The following BRD1 variants were observed in gnomAD, a reference collection of about 807,000 sequenced individuals.
The protein encoded by BRD1 is bromodomain-containing protein 1.
In BRD1, 24 loss-of-function variants were observed where a neutral mutation model predicts 107.7. The ratio of observed to expected loss-of-function variants is 0.22; its 90% CI spans 0.16 to 0.31. The LOEUF is 0.31. Among genes scored for constraint, BRD1 ranks in the 10% least tolerant of loss-of-function variants. The pLI, the probability that BRD1 is intolerant of heterozygous loss-of-function variation, is 1.00. For synonymous variants in BRD1, 744 were observed against 686.1 expected (o/e 1.08, Z -1.32); for missense variants, 1,279 against 1,638.6 (o/e 0.78, Z 3.79).
intron 7 of BRD1, among the ~76,000 whole-genome samples, chr22:49,789,412 G>A (rs570373514): frequency 2.0e-5 from 3 of 152,258 alleles, no homozygotes; most frequent in African/African-American, 4.8e-5. Context: ...AGCCTGCAGC[G>A]TCCTGACGCA....
Position 49,794,224 on chromosome 22 carries a change from G to A in BRD1, c.2169C>T (p.Asp723=), listed in dbSNP as rs1204733656. ...TCATAGCGCAGGTGAGGTCGAGCAT[G>A]TCCAGCAGCTCTCTCAGCTGCTCCT... is the stretch of plus-strand genomic sequence containing the variant. ...GLEEQLRELL[D]MLDLTCAMKS... The change falls in exon 7 of 13, where the codon GAC becomes GAT. Residue 723 remains aspartate, a synonymous_variant. Transcript: ENST00000404760. The A allele has an allele frequency of 2.5e-6, 4 of 1,614,012 alleles. No homozygotes were observed. Among genetic ancestry groups the A allele is most frequent in the Admixed American group, 3.3e-5 (2 of 60,012 alleles).
intron 7 of BRD1, among the ~76,000 whole-genome samples, chr22:49,788,731 A>G (rs1208115424): frequency 6.6e-6 from 1 of 152,258 alleles, no homozygotes; most frequent in Non-Finnish European, 1.5e-5. Context: ...CAACAAGCCA[A>G]GCCCAGCCAC....
At chr22:49,798,934 C>G in intron 4 of BRD1, 54 bp downstream of exon 4, 2 of 1,543,696 alleles carry the variant, frequency 1.3e-6, no homozygotes, top group South Asian at 1.2e-5. Flanking sequence ...GCCAGCGTCC[C>G]ACCCACGCCC....
In BRD1 at chr22:49,776,157, C is replaced by A; in HGVS notation, c.3124G>T (p.Val1042Phe). 1 of 1,604,094 alleles carries A rather than the reference C, an allele frequency of 6.2e-7. No homozygotes were observed. Among genetic ancestry groups the A allele is most frequent in the South Asian group, 1.1e-5 (1 of 91,012 alleles). ...GAGATCCACATGCTGCTCTGGCCGACTTCTGCGGAGAGGGGCGTCAGCAGG... is the reference window on the plus strand; with the variant it reads ...GAGATCCACATGCTGCTCTGGCCGAATTCTGCGGAGAGGGGCGTCAGCAGG... ...YAKAARIAAEVGQSSMWISTD... is the reference protein window; with the variant it reads ...YAKAARIAAEFGQSSMWISTD... Residue 1042 changes from valine to phenylalanine, a missense_variant and splice_region_variant, in exon 11 of 13, where the codon GTC becomes TTC. Physicochemically the swap from Val to Phe is conservative, Grantham distance 50. Transcript: ENST00000404760.
intron 3 of BRD1, among the ~76,000 whole-genome samples, chr22:49,799,769 A>G (rs2059608195): frequency 6.6e-6 from 1 of 152,190 alleles, no homozygotes; most frequent in Non-Finnish European, 1.5e-5. Context: ...CAACATCCAC[A>G]CCAGGGTGAT....
At position 49,797,826 on chromosome 22, in the gene BRD1, G is replaced by A. The variant is rs138102264; in HGVS notation, c.2077C>T (p.Arg693Trp). The change falls in exon 6 of 13, where the codon CGG (arginine) becomes TGG (tryptophan). Residue 693 changes from arginine to tryptophan, a missense_variant. Arg to Trp is a moderately radical substitution (Grantham distance 101). Transcript: ENST00000404760. ...TTACCGTCTTCCCAGGAGAAAGGCC[G>A]CCGCGGTGCCGCAGCAGGCCGCTCA... ...LPERPAAAPR[R>W]PFSWEDVDRL... 3.9e-5 allele frequency: 62 copies of A among 1,602,714 alleles called. 1 individual carries two copies. The highest frequency in any genetic ancestry group is 6.7e-5 in the African/African-American group (5 of 74,738).
In BRD1 at chr22:49,792,007, G is replaced by A. The variant is rs572258717; in HGVS notation, c.2359+2027C>T. 4.7e-4 allele frequency among the ~76,000 whole-genome samples: 72 copies of A among 152,242 alleles called. No homozygotes were observed. The highest frequency in any genetic ancestry group is 1.5e-3 in the African/African-American group (64 of 41,528). On this transcript the variant is annotated intron_variant, in intron 7 of 12. Coordinates refer to ENST00000404760, the MANE Select transcript of BRD1 (RefSeq NM_001304808.3). This position sits in a 1 kb window ranked among gnomAD's most constrained non-coding sequence, Gnocchi z 4.2. ...CAAAGCAACAAAAATGGTCTCCAAA[G>A]GCTCCTGCTAAGCGTTGGGTGTTAT...
chr22:49,799,689 T>C (rs138850), intron 3 of BRD1, among the ~76,000 whole-genome samples: 61,677 of 152,102 alleles, frequency 0.41, 16,376 homozygotes, highest in African/African-American at 0.75. Context: ...TTTCCATTGA[T>C]AGCACCTGCT....
At chr22:49,793,107 G>T (rs1180497271) in intron 7 of BRD1, among the ~76,000 whole-genome samples, 1 of 152,200 alleles carries the variant, frequency 6.6e-6, no homozygotes, top group Non-Finnish European at 1.5e-5. Context: ...GTGGCAAGAG[G>T]GTCTGACCCT....
chr22:49,797,685 A>G, intron 6 of BRD1, 120 bp downstream of exon 6: 1 of 960,928 alleles, frequency 1.0e-6, no homozygotes, highest in Non-Finnish European at 1.5e-6. Flanking sequence ...TAAATGATGT[A>G]TGCGGTTGCA....
intron 2 of BRD1, among the ~76,000 whole-genome samples, chr22:49,814,538 C>T (rs536376880): frequency 5.3e-5 from 8 of 152,366 alleles, no homozygotes; most frequent in Non-Finnish European, 1.0e-4. Context: ...GGATCCTCTC[C>T]GACGGGGCAG....
chr22:49,791,336 C>CTAGT (rs1569102770), intron 7 of BRD1, among the ~76,000 whole-genome samples: 1 of 152,254 alleles, frequency 6.6e-6, no homozygotes, highest in Non-Finnish European at 1.5e-5. Context: ...TTCCTTCAGA[C>CTAGT]ACTAAAGTCT....
At chr22:49,802,862 G>T (rs548137363) in intron 3 of BRD1, among the ~76,000 whole-genome samples, 30 of 152,352 alleles carry the variant, frequency 2.0e-4, no homozygotes, top group Non-Finnish European at 2.8e-4. Context: ...TCATGGAACG[G>T]AAGATGCGGT....
At chr22:49,780,349 G>A (rs2059182561) in intron 8 of BRD1, among the ~76,000 whole-genome samples, 2 of 152,232 alleles carry the variant, frequency 1.3e-5, no homozygotes, top group African/African-American at 2.4e-5. Flanking sequence ...CAGTGAGTGC[G>A]CGTATGACGC....
intron 8 of BRD1, among the ~76,000 whole-genome samples, chr22:49,782,963 G>A (rs2059241657): frequency 2.2e-5 from 3 of 138,338 alleles, no homozygotes; most frequent in Admixed American, 7.1e-5. Context: ...GTCAGAGACA[G>A]ACCCAAAGCC....
chr22:49,787,308 C>CT (rs914226340), intron 8 of BRD1, 82 bp downstream of exon 8: 17 of 1,097,088 alleles, frequency 1.5e-5, no homozygotes, highest in South Asian at 1.2e-4. Context: ...CACCCCCCCC[C>CT]CCCCGTCACA....
chr22:49,814,208 T>C (rs2059907871), intron 2 of BRD1, among the ~76,000 whole-genome samples: 1 of 152,072 alleles, frequency 6.6e-6, no homozygotes, highest in South Asian at 2.1e-4. Flanking sequence ...TTTAAAGACA[T>C]CACTAAAAAT....
rs1287298615 is a variant in BRD1, at chr22:49,801,179, G to A, written c.1525-2060C>T. Among the ~76,000 whole-genome samples the A allele has an allele frequency of 2.0e-5, 3 of 152,376 alleles. No homozygotes were observed. The East Asian group carries it at 5.8e-4, about 29-fold the overall frequency. ...AGGACAGGAAGGGTGGGCCACGGGA[G>A]CAGGAGACAGTGGGACGCCACCAGC... On this transcript the variant is annotated intron_variant, in intron 3 of 12. Coordinates refer to ENST00000404760, the MANE Select transcript of BRD1 (RefSeq NM_001304808.3).
At chr22:49,784,920 A>G (rs936929894) in intron 8 of BRD1, among the ~76,000 whole-genome samples, 1 of 152,128 alleles carries the variant, frequency 6.6e-6, no homozygotes, top group Non-Finnish European at 1.5e-5. Context: ...GAGCTCAGGA[A>G]CTCACCGCAC....
Sources: gnomAD v4.1 joint callset for allele counts (sites outside exome capture counted in the v4.1 genomes callset) on GRCh38, gnomAD v4.1.1 for gene constraint, Gnocchi (gnomAD v3.1) non-coding constraint, MANE v1.5 for transcripts, NCBI Gene and HGNC (gene_info 2026-07-23, HGNC 2026-07-21) for gene names.